KCNN2: variants seen among roughly 807,000 people sequenced by gnomAD.
KCNN2 encodes potassium calcium-activated channel subfamily N member 2.
In KCNN2, 24 loss-of-function variants were observed where a neutral mutation model predicts 55.5. The ratio of observed to expected loss-of-function variants is 0.43; its 90% CI spans 0.31 to 0.61. The LOEUF (loss-of-function observed/expected upper bound fraction) is 0.61. KCNN2 is among the 20% of genes least tolerant of loss of function. KCNN2 has a pLI of 0.08. For synonymous variants in KCNN2, 431 were observed against 336.1 expected (o/e 1.28, Z -3.09); for missense variants, 754 against 853.6 (o/e 0.88, Z 1.45).
chr5:114,089,481 T>C (rs1359040058), intron 1 of KCNN2, among the ~76,000 whole-genome samples: 1 of 152,202 alleles, frequency 6.6e-6, no homozygotes, highest in Non-Finnish European at 1.5e-5. Flanking sequence ...AAATTCATAA[T>C]TGTTCTTTGG....
chr5:114,240,934 T>C (rs575310028), intron 2 of KCNN2, among the ~76,000 whole-genome samples: 2 of 152,174 alleles, frequency 1.3e-5, no homozygotes, highest in African/African-American at 4.8e-5. Context: ...TTATTAACTC[T>C]CAGGCAGATT....
intron 5 of KCNN2, 188 bp from the exon 6 acceptor site, chr5:114,486,862 G>C: frequency 8.7e-7 from 1 of 1,155,980 alleles, no homozygotes; most frequent in South Asian, 1.4e-5. Context: ...CAATTTAAGT[G>C]TTGTTCCCAG....
intron 2 of KCNN2, among the ~76,000 whole-genome samples, chr5:114,305,248 C>T (rs921146952): frequency 7.2e-5 from 11 of 152,126 alleles, no homozygotes; most frequent in African/African-American, 2.2e-4. Context: ...GTTGCAGCTT[C>T]CTGGATGGTA....
intron 2 of KCNN2, among the ~76,000 whole-genome samples, chr5:114,384,864 T>C (rs1758228390): frequency 6.6e-6 from 1 of 152,158 alleles, no homozygotes; most frequent in Non-Finnish European, 1.5e-5. Context: ...GTGACACACA[T>C]TTGCCATCAC....
chr5:114,287,035 C>T (rs1295778126), intron 2 of KCNN2, among the ~76,000 whole-genome samples: 1 of 152,174 alleles, frequency 6.6e-6, no homozygotes, highest in East Asian at 1.9e-4. Flanking sequence ...GTAACTGATG[C>T]TCCTACAGTT....
intron 1 of KCNN2, among the ~76,000 whole-genome samples, chr5:114,167,184 C>G (rs1752930869): frequency 1.3e-5 from 2 of 152,076 alleles, no homozygotes; most frequent in African/African-American, 2.4e-5. Context: ...CTACTACCAG[C>G]CTTCACATCT....
chr5:114,161,505 T>A (rs1335924582), intron 1 of KCNN2, among the ~76,000 whole-genome samples: 1 of 151,820 alleles, frequency 6.6e-6, no homozygotes, highest in Non-Finnish European at 1.5e-5. Flanking sequence ...TCGAGGAGTA[T>A]CTTTGTGGCG....
chr5:114,130,679 C>T (rs1028864614), intron 1 of KCNN2, among the ~76,000 whole-genome samples: 4 of 152,150 alleles, frequency 2.6e-5, no homozygotes, highest in East Asian at 1.9e-4. Flanking sequence ...GTCTCTTCAT[C>T]GCTACTCACT....
intron 1 of KCNN2, among the ~76,000 whole-genome samples, chr5:114,175,050 T>C (rs1345928704): frequency 2.0e-5 from 3 of 152,218 alleles, no homozygotes; most frequent in African/African-American, 7.2e-5. Flanking sequence ...TTTGCTGGGC[T>C]GTTTTCTTTT....
intron 2 of KCNN2, among the ~76,000 whole-genome samples, chr5:114,329,399 T>A (rs911621531): frequency 6.6e-6 from 1 of 152,156 alleles, no homozygotes; most frequent in Non-Finnish European, 1.5e-5. Context: ...GCGGCTAGAA[T>A]AAAGTAGGCA....
chr5:114,419,186 G>A (rs930665126), intron 3 of KCNN2, among the ~76,000 whole-genome samples: 9 of 152,250 alleles, frequency 5.9e-5, no homozygotes, highest in African/African-American at 2.2e-4. Context: ...TAAAGCAGGG[G>A]TTGGTAAACC....
At chr5:114,063,590 A>G (rs973795986) in intron 1 of KCNN2, among the ~76,000 whole-genome samples, 2 of 152,178 alleles carry the variant, frequency 1.3e-5, no homozygotes, top group African/African-American at 4.8e-5. Flanking sequence ...ACTGGCCTAG[A>G]TAGCTAATTT....
chr5:114,352,378 A>G (rs1237388249), intron 2 of KCNN2, among the ~76,000 whole-genome samples: 1 of 149,204 alleles, frequency 6.7e-6, no homozygotes, highest in Non-Finnish European at 1.5e-5. Context: ...TTCAAAAACT[A>G]ATTTTTATTT....
chr5:114,490,779 G>T, intron 6 of KCNN2: 1 of 397,872 alleles, frequency 2.5e-6, no homozygotes, highest in Non-Finnish European at 4.4e-6. Context: ...CTTTATTTGT[G>T]AATTTTAGTA....
intron 2 of KCNN2, chr5:114,253,692 T>A (rs4484417): frequency 0.83 from 125,901 of 152,048 alleles, 52,195 homozygotes; most frequent in East Asian, 0.88. Context: ...GTAGCTGCGT[T>A]CCCCTGCTGG....
intron 2 of KCNN2, among the ~76,000 whole-genome samples, chr5:114,366,628 A>G (rs1580754076): frequency 6.6e-6 from 1 of 152,054 alleles, no homozygotes; most frequent in Non-Finnish European, 1.5e-5. Flanking sequence ...AGGGCTGTCA[A>G]ATACCTTATT....
rs116345389 is a variant in KCNN2 at position 114,059,928 on chromosome 5, C to G, written c.-271+3428C>G. On this transcript the variant is annotated intron_variant, in intron 1 of 10. Coordinates refer to the KCNN2 transcript ENST00000512097. The stretch of plus-strand genomic sequence containing the variant: ...GAAGTGGGTGAATGAAAGGATCAGG[C>G]TGTTGGTACAAGTGGAGCCATGAGA... 2.8e-3 allele frequency among the ~76,000 whole-genome samples: 430 copies of G among 152,268 alleles called. 5 individuals are homozygous for G. Among genetic ancestry groups the G allele is most frequent in the African/African-American group, 0.01 (416 of 41,532 alleles).
chr5:114,392,852 T>C (rs1758492437), intron 2 of KCNN2, among the ~76,000 whole-genome samples: 1 of 151,452 alleles, frequency 6.6e-6, no homozygotes, highest in African/African-American at 2.4e-5. Flanking sequence ...TGCTAGTTTC[T>C]AAGGAAGGAG....
chr5:114,371,970 G>A (rs1757770811), intron 2 of KCNN2, among the ~76,000 whole-genome samples: 1 of 152,092 alleles, frequency 6.6e-6, no homozygotes. Flanking sequence ...AATTGTTATT[G>A]AACTAAATGC....
Sources: gnomAD v4.1 joint callset for allele counts (sites outside exome capture counted in the v4.1 genomes callset) on GRCh38, gnomAD v4.1.1 for gene constraint, MANE v1.5 for transcripts, NCBI Gene and HGNC (gene_info 2026-07-23, HGNC 2026-07-21) for gene names.